The following TRIM51G variants were observed in gnomAD, a reference collection of about 807,000 sequenced individuals.
The protein encoded by TRIM51G is tripartite motif-containing 51G.
the TRIM51G span, chr11:48,978,758 C>A: frequency 5.3e-6 from 3 of 562,404 alleles, no homozygotes; most frequent in East Asian, 3.1e-5. Flanking sequence ...GTTATAGAAT[C>A]GTGTTTTTGG....
chr11:48,980,704 G>T, the TRIM51G span, among the ~76,000 whole-genome samples: 1 of 152,132 alleles, frequency 6.6e-6, no homozygotes, highest in Admixed American at 6.6e-5. Flanking sequence ...GCATGCTTGG[G>T]TAACATCTGT....
chr11:48,978,827 C>T, the TRIM51G span: 1 of 858,298 alleles, frequency 1.2e-6, no homozygotes. Context: ...AAACACCCAT[C>T]CACTTGAATC....
the TRIM51G span, among the ~76,000 whole-genome samples, chr11:48,982,359 T>A: frequency 6.6e-6 from 1 of 152,252 alleles, no homozygotes; most frequent in South Asian, 2.1e-4. Flanking sequence ...AAAACTGAAA[T>A]ATATATAATT....
chr11:48,981,189 G>C, the TRIM51G span: 2 of 1,542,662 alleles, frequency 1.3e-6, no homozygotes, highest in Non-Finnish European at 1.8e-6. Flanking sequence ...ATGTTTAAGG[G>C]GGCACAGAGA....
the TRIM51G span, among the ~76,000 whole-genome samples, chr11:48,978,449 C>T: frequency 1.3e-5 from 2 of 152,080 alleles, no homozygotes; most frequent in Non-Finnish European, 2.9e-5. Flanking sequence ...GTCATCTTCC[C>T]TAAGCCCTGT....
chr11:48,978,211 CT>C, the TRIM51G span: 1 of 530,134 alleles, frequency 1.9e-6, no homozygotes, highest in Non-Finnish European at 3.9e-6. Context: ...GCATCTTCAA[CT>C]AAGTTCATTG....
At chr11:48,978,972 T>C in the TRIM51G span, 6 of 1,557,228 alleles carry the variant, frequency 3.9e-6, no homozygotes, top group Non-Finnish European at 3.5e-6. Flanking sequence ...TTTGCTTTCA[T>C]TGAGTTGCTG....
chr11:48,983,554 A>G, the TRIM51G span, among the ~76,000 whole-genome samples: 1 of 151,920 alleles, frequency 6.6e-6, no homozygotes, highest in African/African-American at 2.4e-5. Flanking sequence ...TCAAAAATAT[A>G]TTAAAAACTT....
chr11:48,980,670 A>G, the TRIM51G span, among the ~76,000 whole-genome samples: 2 of 152,246 alleles, frequency 1.3e-5, no homozygotes, highest in South Asian at 2.1e-4. Flanking sequence ...GAGTATTGCT[A>G]TAGGTTTGTA....
the TRIM51G span, among the ~76,000 whole-genome samples, chr11:48,980,450 G>A: frequency 6.6e-6 from 1 of 152,038 alleles, no homozygotes; most frequent in African/African-American, 2.4e-5. Context: ...TTAATTTCAT[G>A]CTTTCCCTAA....
At chr11:48,982,967 ATATATATATATATATATATAGT>A in the TRIM51G span, among the ~76,000 whole-genome samples, 3 of 88,372 alleles carry the variant, frequency 3.4e-5, no homozygotes, top group East Asian at 4.4e-4. Flanking sequence ...ATATATATAT[ATATATATATATATATATATAGT>A]TATGTACACA....
the TRIM51G span, chr11:48,975,857 C>T: frequency 3.9e-6 from 4 of 1,022,614 alleles, no homozygotes; most frequent in South Asian, 5.1e-5. Context: ...ATGAAAAAAT[C>T]AGCCCCCCAT....
chr11:48,982,330 A>G, the TRIM51G span, among the ~76,000 whole-genome samples: 2 of 152,170 alleles, frequency 1.3e-5, no homozygotes, highest in South Asian at 4.1e-4. Context: ...CTATGAACTG[A>G]CATATAGTCA....
chr11:48,983,468 T>C, the TRIM51G span, among the ~76,000 whole-genome samples: 2 of 152,082 alleles, frequency 1.3e-5, no homozygotes, highest in South Asian at 2.1e-4. Flanking sequence ...TACACATATA[T>C]AGGTTTTAAT....
At chr11:48,979,062 T>C in the TRIM51G span, 4 of 855,626 alleles carry the variant, frequency 4.7e-6, no homozygotes, top group East Asian at 2.4e-5. Flanking sequence ...CATCTTATGA[T>C]ATTCAGCTCT....
chr11:48,977,993 TG>T, the TRIM51G span: 1 of 398,444 alleles, frequency 2.5e-6, no homozygotes, highest in South Asian at 1.9e-5. Context: ...ACAAAATAGA[TG>T]ACTACATGGG....
chr11:48,980,159 G>A, the TRIM51G span, among the ~76,000 whole-genome samples: 1 of 151,742 alleles, frequency 6.6e-6, no homozygotes, highest in Non-Finnish European at 1.5e-5. Context: ...AATTTTCTAA[G>A]TTGATATTTG....
chr11:48,977,113 T>G, the TRIM51G span: 1 of 1,225,130 alleles, frequency 8.2e-7, no homozygotes, highest in Non-Finnish European at 1.2e-6. Context: ...TGTCCATCAG[T>G]CCAATGATGG....
At chr11:48,977,073 G>T in the TRIM51G span, 1 of 953,170 alleles carries the variant, frequency 1.0e-6, no homozygotes, top group Non-Finnish European at 1.7e-6. Flanking sequence ...TTGCCAATGG[G>T]CTGACACTCA....
Sources: gnomAD v4.1 joint callset for allele counts (sites outside exome capture counted in the v4.1 genomes callset) on GRCh38, gnomAD v4.1.1 for gene constraint, MANE v1.5 for transcripts, NCBI Gene and HGNC (gene_info 2026-07-23, HGNC 2026-07-21) for gene names.